Variants in FLT1 observed in about 807,000 individuals in gnomAD.
FLT1 encodes fms related receptor tyrosine kinase 1, also known as vascular endothelial growth factor receptor 1.
In FLT1, 49 loss-of-function variants were observed where a neutral mutation model predicts 156.3. The observed-to-expected ratio is 0.31, with a 90% CI of 0.25 to 0.40. The LOEUF (loss-of-function observed/expected upper bound fraction) is 0.40. FLT1 is among the 10% of genes least tolerant of loss of function. The probability of loss-of-function intolerance (pLI) is 1.00; values close to 1 mark genes in which losing one functional copy is unlikely to be tolerated. For synonymous variants in FLT1, 594 were observed against 583.8 expected, an observed-to-expected ratio of 1.02 and a Z score of -0.25; for missense variants, 1,322 against 1,637.2, an observed-to-expected ratio of 0.81 and a Z score of 3.32.
intron 11 of FLT1, among the ~76,000 whole-genome samples, chr13:28,399,674 C>T (rs565659986): frequency 3.2e-4 from 48 of 152,054 alleles, no homozygotes; most frequent in Non-Finnish European, 6.2e-4. Context: ...GAAATGAATC[C>T]GGGTCACAAG....
At chr13:28,345,181 T>TG (rs1432007832) in intron 16 of FLT1, among the ~76,000 whole-genome samples, 3 of 152,174 alleles carry the variant, frequency 2.0e-5, no homozygotes. Context: ...AAAGACTCTA[T>TG]TAACATATTT....
At chr13:28,440,565 G>T (rs956252790) in intron 3 of FLT1, among the ~76,000 whole-genome samples, 4 of 152,184 alleles carry the variant, frequency 2.6e-5, no homozygotes, top group Non-Finnish European at 5.9e-5. Context: ...TAGTGTTGGA[G>T]AAATTCTGAA....
intron 1 of FLT1, among the ~76,000 whole-genome samples, chr13:28,490,112 CT>C (rs1881387510): frequency 6.6e-6 from 1 of 152,186 alleles, no homozygotes; most frequent in South Asian, 2.1e-4. Context: ...CGCTAGCCAG[CT>C]GTTGACCTTG....
At chr13:28,447,162 A>AATATATAATATATTATATATTTTATAGTT (rs1566032402) in intron 3 of FLT1, among the ~76,000 whole-genome samples, 4 of 91,538 alleles carry the variant, frequency 4.4e-5, no homozygotes, top group Admixed American at 1.0e-4. Flanking sequence ...ATAGTTATAT[A>AATATATAATATATTATATATTTTATAGTT]ATATAATATA....
chr13:28,350,686 C>G (rs987686408), intron 15 of FLT1, among the ~76,000 whole-genome samples: 1 of 152,036 alleles, frequency 6.6e-6, no homozygotes, highest in African/African-American at 2.4e-5. Context: ...AAGCAAAAGA[C>G]CAGAGCACCT....
chr13:28,489,463 T>C (rs1359652456), intron 1 of FLT1, among the ~76,000 whole-genome samples: 2 of 151,922 alleles, frequency 1.3e-5, no homozygotes, highest in Admixed American at 1.3e-4. Context: ...ATCCTGACAA[T>C]GCAAAGTGAG....
chr13:28,415,804 G>T (rs1349691949), intron 10 of FLT1, among the ~76,000 whole-genome samples: 3 of 152,168 alleles, frequency 2.0e-5, no homozygotes, highest in South Asian at 2.1e-4. Context: ...TAACTCCTTT[G>T]ATTTCCTAAA....
intron 12 of FLT1, among the ~76,000 whole-genome samples, chr13:28,390,498 C>A (rs533581113): frequency 6.6e-6 from 1 of 152,066 alleles, no homozygotes. Flanking sequence ...AGGGTTCAAG[C>A]GATTCTCCTG....
At chr13:28,403,984 G>C (rs190007265) in intron 11 of FLT1, among the ~76,000 whole-genome samples, 6 of 151,432 alleles carry the variant, frequency 4.0e-5, no homozygotes, top group African/African-American at 1.5e-4. Context: ...AGACGTTGCC[G>C]TGAGCTGAGA....
Position 28,306,665 on chromosome 13 carries a change from AC to A in FLT1, c.3815+12del. The A allele has an allele frequency of 6.3e-7, 1 of 1,585,688 alleles. No homozygotes were observed. The highest frequency in any genetic ancestry group is 8.7e-7 in the Non-Finnish European group (1 of 1,154,194). On this transcript the variant is annotated intron_variant, in intron 29 of 29. Coordinates refer to ENST00000282397, the MANE Select transcript of FLT1 (RefSeq NM_002019.4). The stretch of plus-strand genomic sequence containing the variant: ...TCCATCAACTGATCACAGAAAAGAT[AC>A]CCAATTCTTACTCAATCTTGAGCGA...
At chr13:28,309,275 A>G (rs1023464942) in intron 27 of FLT1, among the ~76,000 whole-genome samples, 2 of 152,208 alleles carry the variant, frequency 1.3e-5, no homozygotes, top group South Asian at 4.1e-4. Flanking sequence ...GGGAAGTGGT[A>G]TGACTTTATC....
chr13:28,437,231 T>A (rs767805720), intron 4 of FLT1, among the ~76,000 whole-genome samples: 2 of 152,190 alleles, frequency 1.3e-5, no homozygotes, highest in Non-Finnish European at 2.9e-5. Flanking sequence ...GGCCAAAACC[T>A]GTCTCTGATG....
intron 29 of FLT1, among the ~76,000 whole-genome samples, chr13:28,304,143 T>C (rs925683791): frequency 1.3e-5 from 2 of 152,240 alleles, no homozygotes; most frequent in African/African-American, 2.4e-5. Context: ...ATGTTCTATA[T>C]TTTCAGTCTC....
chr13:28,443,387 C>T (rs1423896417), intron 3 of FLT1, among the ~76,000 whole-genome samples: 2 of 152,214 alleles, frequency 1.3e-5, no homozygotes, highest in African/African-American at 4.8e-5. Context: ...ATGTTATCCT[C>T]AATGGATTCC....
intron 15 of FLT1, among the ~76,000 whole-genome samples, chr13:28,355,194 C>T (rs1872856409): frequency 6.6e-6 from 1 of 152,210 alleles, no homozygotes; most frequent in Non-Finnish European, 1.5e-5. Flanking sequence ...AAGTCTCAGC[C>T]TCACCACATA....
intron 25 of FLT1, among the ~76,000 whole-genome samples, chr13:28,315,436 G>A (rs952652081): frequency 6.6e-6 from 1 of 152,116 alleles, no homozygotes; most frequent in African/African-American, 2.4e-5. Flanking sequence ...CATGCCTGTA[G>A]TCCCAGCAAC....
intron 25 of FLT1, among the ~76,000 whole-genome samples, chr13:28,314,714 G>C (rs1871135208): frequency 6.6e-6 from 1 of 152,164 alleles, no homozygotes; most frequent in Non-Finnish European, 1.5e-5. Context: ...CAAACAAGAA[G>C]GAAATTACTC....
chr13:28,330,969 C>G (rs1301037537), intron 18 of FLT1, among the ~76,000 whole-genome samples: 1 of 152,236 alleles, frequency 6.6e-6, no homozygotes, highest in Non-Finnish European at 1.5e-5. Context: ...GCTGGGATTA[C>G]AGGCGTGAGC....
At chr13:28,461,693 C>T (rs1323298204) in intron 3 of FLT1, among the ~76,000 whole-genome samples, 1 of 150,328 alleles carries the variant, frequency 6.7e-6, no homozygotes, top group Non-Finnish European at 1.5e-5. Context: ...CTCAAGGTTT[C>T]ATAGCCAGGT....
Sources: gnomAD v4.1 joint callset for allele counts (sites outside exome capture counted in the v4.1 genomes callset) on GRCh38, gnomAD v4.1.1 for gene constraint, MANE v1.5 for transcripts, NCBI Gene and HGNC (gene_info 2026-07-23, HGNC 2026-07-21) for gene names.